The following CEP85L variants were observed in gnomAD, a reference collection of about 807,000 sequenced individuals.
The protein encoded by CEP85L is centrosomal protein 85L.
In CEP85L, 60 loss-of-function variants were observed where a neutral mutation model predicts 100.3. That is an observed-to-expected ratio of 0.60 (90% confidence interval 0.49 to 0.74). The LOEUF is 0.74. Among genes scored for constraint, CEP85L ranks in the 30% least tolerant of loss-of-function variants. The pLI, the probability that CEP85L is intolerant of heterozygous loss-of-function variation, is 0.00. For missense variants in CEP85L, 973 were observed against 936.2 expected (o/e 1.04, Z -0.51); for synonymous variants, 319 against 322.7 (o/e 0.99, Z 0.12).
At chr6:118,607,947 A>T (rs1015966888) in intron 2 of CEP85L, among the ~76,000 whole-genome samples, 1 of 152,134 alleles carries the variant, frequency 6.6e-6, no homozygotes, top group Non-Finnish European at 1.5e-5. Flanking sequence ...TCCAGACCCC[A>T]AGAGAGGGTT....
chr6:118,692,203 T>G (rs958524089), intron 1 of CEP85L, among the ~76,000 whole-genome samples: 1 of 152,154 alleles, frequency 6.6e-6, no homozygotes, highest in African/African-American at 2.4e-5. Context: ...TGCAATGGGT[T>G]AAAAACTGAA....
At chr6:118,612,167 T>C (rs1307527838) in intron 2 of CEP85L, among the ~76,000 whole-genome samples, 1 of 150,926 alleles carries the variant, frequency 6.6e-6, no homozygotes, top group East Asian at 2.0e-4. Flanking sequence ...TAGAAATTAA[T>C]AACAGAAAGA....
intron 6 of CEP85L, among the ~76,000 whole-genome samples, chr6:118,490,145 G>A (rs1185132649): frequency 6.6e-6 from 1 of 152,094 alleles, no homozygotes; most frequent in African/African-American, 2.4e-5. Flanking sequence ...CCACTTATAT[G>A]AGATAAATGA....
At chr6:118,580,935 G>A (rs1016387197) in intron 2 of CEP85L, among the ~76,000 whole-genome samples, 1 of 152,162 alleles carries the variant, frequency 6.6e-6, no homozygotes, top group African/African-American at 2.4e-5. Context: ...CAGCCCCTTG[G>A]TCTGGAGAGC....
chr6:118,673,921 C>T (rs941018552), intron 1 of CEP85L, among the ~76,000 whole-genome samples: 9 of 152,158 alleles, frequency 5.9e-5, no homozygotes, highest in African/African-American at 1.9e-4. Flanking sequence ...AGAAAAATCT[C>T]TAAATCTTAA....
intron 5 of CEP85L, among the ~76,000 whole-genome samples, chr6:118,505,522 C>T (rs1775599960): frequency 6.7e-6 from 1 of 149,716 alleles, no homozygotes; most frequent in Admixed American, 6.7e-5. Context: ...CTGTGATATA[C>T]CCAGAAAGCG....
At position 118,545,594 on chromosome 6, in the gene CEP85L, A is replaced by G. The variant is rs542054091; in HGVS notation, c.1020+19935T>C. ...AGAGTGAGACTCCGCACCCCCTTCC[A>G]AAAAAAATTAGTAATACTTTTGAGG... On this transcript the variant is annotated intron_variant, in intron 3 of 12. Transcript: ENST00000368491. Among the ~76,000 whole-genome samples the G allele has an allele frequency of 1.1e-4, 17 of 152,168 alleles. No individual in the cohort carries two copies. The East Asian group carries it at 3.1e-3, about 28-fold the overall frequency.
At chr6:118,482,032 TAAAAAAAAAAAA>T (rs35791512) in intron 7 of CEP85L, 99 bp from the exon 8 acceptor site, 1 of 339,518 alleles carries the variant, frequency 2.9e-6, no homozygotes, top group Non-Finnish European at 4.9e-6. Context: ...GACTTGTAGC[TAAAAAAAAAAAA>T]AAAAAAGAAT....
chr6:118,627,657 C>T (rs1056192281), intron 2 of CEP85L, among the ~76,000 whole-genome samples: 3 of 152,272 alleles, frequency 2.0e-5, no homozygotes, highest in South Asian at 2.1e-4. Context: ...CAGACTTTTA[C>T]GAGTTTTACT....
intron 1 of CEP85L, among the ~76,000 whole-genome samples, chr6:118,697,454 C>A (rs773768788): frequency 2.6e-5 from 4 of 152,158 alleles, no homozygotes; most frequent in Non-Finnish European, 4.4e-5. Flanking sequence ...GACGATATAC[C>A]ACTCAAGCTC....
At chr6:118,531,320 G>A (rs1393070725) in intron 3 of CEP85L, among the ~76,000 whole-genome samples, 1 of 152,154 alleles carries the variant, frequency 6.6e-6, no homozygotes, top group Non-Finnish European at 1.5e-5. Flanking sequence ...ACAGAAGGCT[G>A]AAATTGCACC....
chr6:118,514,074 G>A (rs1393660283), intron 4 of CEP85L, among the ~76,000 whole-genome samples: 1 of 152,084 alleles, frequency 6.6e-6, no homozygotes, highest in Non-Finnish European at 1.5e-5. Flanking sequence ...AAGATAGACT[G>A]CTATACTTTA....
At chr6:118,537,503 C>A (rs545937327) in intron 3 of CEP85L, 265 of 984,790 alleles carry the variant, frequency 2.7e-4, no homozygotes, top group Non-Finnish European at 3.1e-4. Context: ...ATTTATAGAC[C>A]CAGAAAATAT....
chr6:118,699,818 C>T (rs1777352183), intron 1 of CEP85L, among the ~76,000 whole-genome samples: 1 of 152,126 alleles, frequency 6.6e-6, no homozygotes, highest in Admixed American at 6.6e-5. Flanking sequence ...CCTCAGCCTC[C>T]CGAGTAGCGG....
intron 5 of CEP85L, among the ~76,000 whole-genome samples, chr6:118,504,993 C>T (rs1008924739): frequency 6.6e-6 from 1 of 151,920 alleles, no homozygotes; most frequent in African/African-American, 2.4e-5. Context: ...CTCATAATTG[C>T]CAAAACTTGG....
intron 2 of CEP85L, among the ~76,000 whole-genome samples, chr6:118,593,989 C>T (rs183710130): frequency 4.3e-4 from 66 of 152,256 alleles, no homozygotes; most frequent in East Asian, 3.9e-4. Flanking sequence ...AACATTTCTG[C>T]CAGGAGTCTT....
chr6:118,615,536 G>T lies in CEP85L; in HGVS notation c.232+16917C>A, dbSNP rs149266183. ...CCCACACCGTGCACGTTCCGAGAAA[G>T]ATTTGGCCCTTGCCCAGCTCCTAGG... On this transcript the variant is annotated intron_variant, in intron 2 of 12. Transcript: ENST00000368491. 5.5e-4 allele frequency among the ~76,000 whole-genome samples: 84 copies of T among 152,204 alleles called. 1 individual carries two copies. The highest frequency in any genetic ancestry group is 1.6e-3 in the African/African-American group (67 of 41,540).
At chr6:118,473,970 T>A (rs949411360) in intron 10 of CEP85L, among the ~76,000 whole-genome samples, 13 of 152,176 alleles carry the variant, frequency 8.5e-5, no homozygotes, top group African/African-American at 2.7e-4. Flanking sequence ...TTTCTAAGAA[T>A]CTAAGACAAT....
chr6:118,503,626 T>C lies in CEP85L; in HGVS notation c.1257+7672A>G, dbSNP rs557948820. ...TACAACAAAATAGAGAGTCCAGAAATAGGACACATAAATATAGTCAACTGA... is the reference window on the plus strand; with the variant it reads ...TACAACAAAATAGAGAGTCCAGAAACAGGACACATAAATATAGTCAACTGA... On this transcript the variant is annotated intron_variant, in intron 5 of 12. Coordinates refer to ENST00000368491, the MANE Select transcript of CEP85L (RefSeq NM_001042475.3). 2.0e-5 allele frequency among the ~76,000 whole-genome samples: 3 copies of C among 151,602 alleles called. No homozygotes were observed. In the East Asian group the frequency reaches 5.8e-4, roughly 29 times the overall value.
Sources: gnomAD v4.1 joint callset for allele counts (sites outside exome capture counted in the v4.1 genomes callset) on GRCh38, gnomAD v4.1.1 for gene constraint, MANE v1.5 for transcripts, NCBI Gene and HGNC (gene_info 2026-07-23, HGNC 2026-07-21) for gene names.